PCDHGA4: variants seen among roughly 807,000 people sequenced by gnomAD.
PCDHGA4 encodes the protein protocadherin gamma-A4.
PCDHGA4 carries 38 observed loss-of-function variants against 54.6 expected under a neutral mutation model. That is an observed-to-expected ratio of 0.70 (90% CI 0.54 to 0.91). The LOEUF is 0.91. PCDHGA4 is among the 40% of genes least tolerant of loss of function. PCDHGA4 has a pLI of 0.00. For synonymous variants in PCDHGA4, 511 were observed against 512.9 expected (o/e 1.00, Z 0.05); for missense variants, 1,298 against 1,220.9 (o/e 1.06, Z -0.94).
Position 141,476,114 on chromosome 5 carries a change from G to A in PCDHGA4, c.2515-18693G>A. Reference sequence around the variant, plus strand: ...CCGCTGAGAGGAACTGCTTTTGAGTGAGATGGTCCCAGAGGCCTGGAGGAG... The same window carrying A: ...CCGCTGAGAGGAACTGCTTTTGAGTAAGATGGTCCCAGAGGCCTGGAGGAG... On this transcript the variant is annotated intron_variant, in intron 1 of 3. Coordinates refer to ENST00000571252, the MANE Select transcript of PCDHGA4 (RefSeq NM_018917.4). The surrounding 1 kb of genome is among the most constrained non-coding windows in gnomAD (Gnocchi z 7.6). 6.3e-7 allele frequency: 1 copy of A among 1,592,296 alleles called. No individual in the cohort carries two copies. The highest frequency in any genetic ancestry group is 8.5e-7 in the Non-Finnish European group (1 of 1,171,536).
At position 141,477,898 on chromosome 5, in the gene PCDHGA4, A is replaced by C; in HGVS notation, c.2515-16909A>C. The C allele has an allele frequency of 6.2e-7, 1 of 1,614,158 alleles. No individual in the cohort carries two copies. Among genetic ancestry groups the C allele is most frequent in the East Asian group, 2.2e-5 (1 of 44,864 alleles). ...CTGGCCACCTAGTGTCACGGGTGGT[A>C]GGCTGGGACGCGGATGCAGGGCACA... On this transcript the variant is annotated intron_variant, in intron 1 of 3. Transcript: ENST00000571252. This position sits in a 1 kb window ranked among gnomAD's most constrained non-coding sequence, Gnocchi z 4.9.
Position 141,502,866 on chromosome 5 carries a change from C to CTTTTTTTTTTTTTT in PCDHGA4, c.2574-2526_2574-2513dup, listed in dbSNP as rs549047197. Among the ~76,000 whole-genome samples the CTTTTTTTTTTTTTT allele has an allele frequency of 1.6e-4, 20 of 128,024 alleles. 4 individuals are homozygous for CTTTTTTTTTTTTTT. The highest frequency in any genetic ancestry group is 2.6e-4 in the Admixed American group (3 of 11,660). 84.0% of individuals were successfully genotyped at this position (128,024 alleles called of 152,430 possible). A position where few individuals can be genotyped will look rare whatever the true frequency, so the allele number is the denominator to read the frequency against. The stretch of plus-strand genomic sequence containing the variant: ...GAGCTGCCTAACCCTGACTCTCTGT[C>CTTTTTTTTTTTTTT]TTTTTTTTTTTTTTGACAGGGAGTC... On this transcript the variant is annotated intron_variant, in intron 2 of 3. Transcript: ENST00000571252.
At chr5:141,409,652 A>G in intron 1 of PCDHGA4, 1 of 1,613,654 alleles carries the variant, frequency 6.2e-7, no homozygotes, top group Non-Finnish European at 8.5e-7. Flanking sequence ...TTTGGGGCTC[A>G]ATGGCCACAT....
intron 1 of PCDHGA4, chr5:141,411,445 G>A (rs926329934): frequency 1.3e-5 from 2 of 151,656 alleles, no homozygotes; most frequent in South Asian, 2.1e-4. Flanking sequence ...TTAGCAGAGT[G>A]TGGTAGCATT....
chr5:141,362,133 T>G, intron 1 of PCDHGA4: 2 of 1,614,020 alleles, frequency 1.2e-6, no homozygotes, highest in South Asian at 2.2e-5. Flanking sequence ...TCTTCGCGGA[T>G]AGCCTGCAAG....
chr5:141,430,395 A>C (rs1461176471), intron 1 of PCDHGA4, among the ~76,000 whole-genome samples: 1 of 152,096 alleles, frequency 6.6e-6, no homozygotes, highest in Non-Finnish European at 1.5e-5. Context: ...AAAAAAAAAA[A>C]AGCTCACTAA....
intron 1 of PCDHGA4, among the ~76,000 whole-genome samples, chr5:141,446,824 A>T (rs973108119): frequency 1.3e-5 from 2 of 152,156 alleles, no homozygotes; most frequent in African/African-American, 4.8e-5. Flanking sequence ...AGATGGGTAG[A>T]TCCTTATAAG....
intron 1 of PCDHGA4, chr5:141,393,313 T>G: frequency 1.2e-6 from 2 of 1,613,324 alleles, no homozygotes; most frequent in Non-Finnish European, 1.7e-6. Flanking sequence ...GTGAACTCCC[T>G]CCAGAGCTAC....
intron 1 of PCDHGA4, among the ~76,000 whole-genome samples, chr5:141,379,889 CTTTTTTTTTTTT>C (rs70988800): frequency 3.0e-4 from 15 of 50,832 alleles, no homozygotes; most frequent in South Asian, 9.2e-4. Flanking sequence ...GTGAAAGCCT[CTTTTTTTTTTTT>C]TTTTTTTTTT....
chr5:141,384,588 G>A, intron 1 of PCDHGA4: 1 of 1,614,242 alleles, frequency 6.2e-7, no homozygotes, highest in Non-Finnish European at 8.5e-7. Flanking sequence ...CCGAGATCCT[G>A]TACCCGGCCC....
At chr5:141,449,567 C>T (rs1412647192) in intron 1 of PCDHGA4, among the ~76,000 whole-genome samples, 2 of 133,846 alleles carry the variant, frequency 1.5e-5, no homozygotes, top group Non-Finnish European at 3.1e-5. Context: ...CCAGCCTGGG[C>T]GACAGAGCAA....
At position 141,431,871 on chromosome 5, in the gene PCDHGA4, T is replaced by C; in HGVS notation, c.2515-62936T>C. The C allele has an allele frequency of 1.9e-6, 3 of 1,614,234 alleles. No homozygotes were observed. The highest frequency in any genetic ancestry group is 2.5e-6 in the Non-Finnish European group (3 of 1,180,032). The stretch of plus-strand genomic sequence containing the variant: ...GGGACATTAATTGCCCTTTTAAATG[T>C]AAATGACCAAGATTCTGAGGAAAAC... On this transcript the variant is annotated intron_variant, in intron 1 of 3. Coordinates refer to ENST00000571252, the MANE Select transcript of PCDHGA4 (RefSeq NM_018917.4). The surrounding 1 kb of genome is among the most constrained non-coding windows in gnomAD (Gnocchi z 4.8).
intron 1 of PCDHGA4, chr5:141,414,163 G>A (rs1455950284): frequency 5.6e-6 from 9 of 1,603,256 alleles, no homozygotes; most frequent in Non-Finnish European, 7.7e-6. Flanking sequence ...AGATGGAGGA[G>A]CATATCTTGC....
intron 1 of PCDHGA4, among the ~76,000 whole-genome samples, chr5:141,433,397 A>ATCTATCTG (rs1554126017): frequency 5.3e-5 from 8 of 150,410 alleles, no homozygotes; most frequent in Non-Finnish European, 1.2e-4. Context: ...CTATCTATCT[A>ATCTATCTG]TCTATCTATT....
At chr5:141,419,635 G>A in intron 1 of PCDHGA4, 1 of 1,612,480 alleles carries the variant, frequency 6.2e-7, no homozygotes, top group African/African-American at 1.3e-5. Flanking sequence ...CCAAGGTGGT[G>A]GCCGTGGACG....
intron 1 of PCDHGA4, chr5:141,478,529 A>G: frequency 6.2e-7 from 1 of 1,609,580 alleles, no homozygotes; most frequent in Non-Finnish European, 8.5e-7. Flanking sequence ...GGGTGCAGAG[A>G]GCGCCCCTCC....
At chr5:141,502,862 C>CTTTT (rs2154593209) in intron 2 of PCDHGA4, among the ~76,000 whole-genome samples, 1 of 68,550 alleles carries the variant, frequency 1.5e-5, no homozygotes, top group African/African-American at 9.9e-5. Flanking sequence ...CCCTGACTCT[C>CTTTT]TGTCTTTTTT....
At chr5:141,376,509 T>C in intron 1 of PCDHGA4, 1 of 1,613,934 alleles carries the variant, frequency 6.2e-7, no homozygotes, top group Admixed American at 1.7e-5. Flanking sequence ...CAACTTCAGG[T>C]GAGTTTCTTT....
chr5:141,432,281 A>C lies in PCDHGA4; in HGVS notation c.2515-62526A>C, dbSNP rs1313887209. 1 of 1,614,188 alleles carries C rather than the reference A, an allele frequency of 6.2e-7. No individual in the cohort carries two copies. The highest frequency in any genetic ancestry group is 1.1e-5 in the South Asian group (1 of 91,084). On this transcript the variant is annotated intron_variant, in intron 1 of 3. Coordinates refer to ENST00000571252, the MANE Select transcript of PCDHGA4 (RefSeq NM_018917.4). The surrounding 1 kb of genome is among the most constrained non-coding windows in gnomAD (Gnocchi z 6.0). The stretch of plus-strand genomic sequence containing the variant: ...AAGCCTATCGTCCTACGTGTCCATC[A>C]ACTCCGACACTGGGGTACTGTATGC...
Sources: allele counts gnomAD v4.1 joint callset (sites outside exome capture counted in the v4.1 genomes callset), GRCh38; gene constraint gnomAD v4.1.1; non-coding constraint Gnocchi (gnomAD v3.1); transcripts MANE v1.5; gene names NCBI Gene and HGNC (gene_info 2026-07-23, HGNC 2026-07-21).